TRIM14: variants seen among roughly 807,000 people sequenced by gnomAD.
TRIM14 encodes the protein tripartite motif containing 14.
In TRIM14, 28 loss-of-function variants were observed where a neutral mutation model predicts 44.5. The observed-to-expected ratio is 0.63, with a 90% CI of 0.47 to 0.86. The LOEUF (loss-of-function observed/expected upper bound fraction) is 0.86, where lower values mean the gene tolerates loss of function less well. Ranked by LOEUF, TRIM14 falls within the 40% of genes least tolerant of loss-of-function variation. The pLI, the probability that TRIM14 is intolerant of heterozygous loss-of-function variation, is 0.00. For missense variants in TRIM14, 607 were observed against 611.1 expected (o/e 0.99, Z 0.07); for synonymous variants, 299 against 269.2 (o/e 1.11, Z -1.08).
chr9:98,109,104 G>A (rs997009382), intron 2 of TRIM14, among the ~76,000 whole-genome samples: 4 of 151,886 alleles, frequency 2.6e-5, no homozygotes, highest in South Asian at 2.1e-4. Context: ...GGCTGGTCTC[G>A]AACTCCTGGG....
chr9:98,054,508 C>A, the TRIM14 span, among the ~76,000 whole-genome samples: 4 of 152,134 alleles, frequency 2.6e-5, no homozygotes, highest in East Asian at 3.8e-4. Flanking sequence ...AAATCAGACA[C>A]CCCATAATGG....
intron 6 of TRIM14, among the ~76,000 whole-genome samples, chr9:98,070,106 A>T (rs1343366907): frequency 6.6e-6 from 1 of 152,108 alleles, no homozygotes; most frequent in Non-Finnish European, 1.5e-5. Context: ...TTAAGAAAAG[A>T]TTCCTCTATT....
At chr9:98,065,483 ATTTTTTTTTTTT>A (rs397837187), downstream of TRIM14, among the ~76,000 whole-genome samples, 81 of 58,632 alleles carry the variant, frequency 1.4e-3, no homozygotes, top group East Asian at 0.013. Context: ...TGCCCAGCTA[ATTTTTTTTTTTT>A]TTTTTTTTTT....
At chr9:98,054,962 T>C in the TRIM14 span, among the ~76,000 whole-genome samples, 1 of 152,156 alleles carries the variant, frequency 6.6e-6, no homozygotes, top group Non-Finnish European at 1.5e-5. Context: ...CTGGCTGAGT[T>C]TTATTATTAC....
the TRIM14 span, among the ~76,000 whole-genome samples, chr9:98,063,500 C>A: frequency 1.3e-5 from 2 of 152,264 alleles, no homozygotes; most frequent in African/African-American, 4.8e-5. Flanking sequence ...CCTCAGCCTC[C>A]CAAAGTGCTG....
chr9:98,083,595 A>G (rs1255303901), downstream of TRIM14, among the ~76,000 whole-genome samples: 1 of 152,230 alleles, frequency 6.6e-6, no homozygotes, highest in Non-Finnish European at 1.5e-5. Context: ...GGGAAATGGC[A>G]TGTGTTCCTT....
Position 98,119,197 on chromosome 9 carries a change from A to G in TRIM14, c.-9T>C, listed in dbSNP as rs1587984193. On this transcript the variant is annotated 5_prime_UTR_variant, in exon 1 of 6. Coordinates refer to ENST00000341469, the MANE Select transcript of TRIM14 (RefSeq NM_014788.4). ...GTCGCCGCGCCCGCCATTCATCTCCACCTCCTCCGGCTCCCCGGGACACAG... is the reference window on the plus strand; with the variant it reads ...GTCGCCGCGCCCGCCATTCATCTCCGCCTCCTCCGGCTCCCCGGGACACAG... 1 of 1,564,938 alleles carries G rather than the reference A, an allele frequency of 6.4e-7. No individual in the cohort carries two copies. The highest frequency in any genetic ancestry group is 1.4e-5 in the African/African-American group (1 of 70,776).
intron 5 of TRIM14, 62 bp from the exon 6 acceptor site, chr9:98,088,067 G>A: frequency 4.3e-6 from 6 of 1,386,430 alleles, no homozygotes; most frequent in African/African-American, 1.5e-5. Context: ...CCCCGCCCCC[G>A]GGAACCCACC....
At chr9:98,081,298 T>C (rs1291169074), downstream of TRIM14, 8 of 635,866 alleles carry the variant, frequency 1.3e-5, no homozygotes, top group African/African-American at 1.1e-4. Context: ...TATCTAACTT[T>C]AGCAGTTTCT....
At chr9:98,061,542 G>A in the TRIM14 span, among the ~76,000 whole-genome samples, 2 of 150,844 alleles carry the variant, frequency 1.3e-5, no homozygotes, top group Non-Finnish European at 2.9e-5. Flanking sequence ...AGCACTTTGG[G>A]AGGCTGAGAC....
At chr9:98,051,372 C>T in the TRIM14 span, among the ~76,000 whole-genome samples, 679 of 152,202 alleles carry the variant, frequency 4.5e-3, 4 homozygotes, top group Non-Finnish European at 6.6e-3. Context: ...CTATAATGCC[C>T]GACGTGATAT....
intron 2 of TRIM14, among the ~76,000 whole-genome samples, chr9:98,102,264 T>C (rs921276373): frequency 3.3e-5 from 5 of 152,164 alleles, no homozygotes; most frequent in African/African-American, 1.2e-4. Context: ...TTGCAGACAG[T>C]CTTCTTTCTG....
the TRIM14 span, among the ~76,000 whole-genome samples, chr9:98,036,500 G>GAAAAAAAAAAA: frequency 9.8e-6 from 1 of 102,532 alleles, no homozygotes; most frequent in Non-Finnish European, 1.9e-5. Flanking sequence ...GACTCCATCT[G>GAAAAAAAAAAA]AAAAAAAAAA....
chr9:98,093,147 C>T (rs1489035699), intron 4 of TRIM14, among the ~76,000 whole-genome samples: 1 of 152,106 alleles, frequency 6.6e-6, no homozygotes, highest in Non-Finnish European at 1.5e-5. Context: ...TTTCCTTCTG[C>T]GAGTTGCCCA....
chr9:98,099,871 T>C, intron 3 of TRIM14, 60 bp downstream of exon 3: 2 of 1,471,564 alleles, frequency 1.4e-6, no homozygotes, highest in Middle Eastern at 2.4e-4. Context: ...AATGCCACAA[T>C]ACTTGAGATG....
At position 98,119,204 on chromosome 9, in the gene TRIM14, C is replaced by T; in HGVS notation, c.-16G>A. 1.3e-6 allele frequency: 2 copies of T among 1,566,218 alleles called. No individual in the cohort carries two copies. The highest frequency in any genetic ancestry group is 1.8e-5 in the Admixed American group (1 of 56,562). On this transcript the variant is annotated 5_prime_UTR_variant, in exon 1 of 6. Transcript: ENST00000341469. ...CGCCCGCCATTCATCTCCACCTCCT[C>T]CGGCTCCCCGGGACACAGGGCGGGG...
the TRIM14 span, among the ~76,000 whole-genome samples, chr9:98,048,830 T>A: frequency 3.3e-5 from 5 of 152,204 alleles, no homozygotes; most frequent in South Asian, 1.0e-3. Flanking sequence ...GAGACCAGTC[T>A]GGCCACATGG....
Position 98,088,017 on chromosome 9 carries a change from G to C in TRIM14, c.794-12C>G. ...GGGCGTGCGCGCGTCTGCAGGGGGC[G>C]AGACAAGGGACGCACCTGGTGGGCG... On this transcript the variant is annotated splice_polypyrimidine_tract_variant and intron_variant, in intron 5 of 5. Transcript: ENST00000341469. 1 of 1,505,136 alleles carries C rather than the reference G, an allele frequency of 6.6e-7. No individual in the cohort carries two copies. Among genetic ancestry groups the C allele is most frequent in the Non-Finnish European group, 8.8e-7 (1 of 1,140,656 alleles). The allele number at this position is 1,505,136 out of a possible 1,614,324, so 93.2% of individuals were successfully genotyped here.
chr9:98,056,741 A>C, the TRIM14 span: 1 of 1,563,634 alleles, frequency 6.4e-7, no homozygotes, highest in Admixed American at 1.9e-5. Flanking sequence ...CACAGAACAG[A>C]GTAGAGGCGG....
Sources: allele counts gnomAD v4.1 joint callset (sites outside exome capture counted in the v4.1 genomes callset), GRCh38; gene constraint gnomAD v4.1.1; transcripts MANE v1.5; gene names NCBI Gene and HGNC (gene_info 2026-07-23, HGNC 2026-07-21).